The following ALX4 variants were observed in gnomAD, a reference collection of about 807,000 sequenced individuals.
ALX4 encodes ALX homeobox 4.
A neutral mutation model predicts 40.6 loss-of-function variants in ALX4; 22 were observed. The ratio of observed to expected loss-of-function variants is 0.54; its 90% CI spans 0.39 to 0.77. The LOEUF (loss-of-function observed/expected upper bound fraction) is 0.77. Ranked by LOEUF, ALX4 falls within the 30% of genes least tolerant of loss-of-function variation. ALX4 has a pLI of 0.00. For synonymous variants in ALX4, 266 were observed against 240.5 expected (o/e 1.11, Z -0.98); for missense variants, 556 against 564.8 (o/e 0.98, Z 0.16).
At chr11:44,298,214 C>A (rs1164232911) in intron 1 of ALX4, among the ~76,000 whole-genome samples, 1 of 152,204 alleles carries the variant, frequency 6.6e-6, no homozygotes, top group East Asian at 1.9e-4. Flanking sequence ...AATGGAGATT[C>A]AATTCCTCCA....
intron 1 of ALX4, among the ~76,000 whole-genome samples, chr11:44,279,092 T>G (rs539747510): frequency 1.2e-3 from 181 of 152,272 alleles, no homozygotes; most frequent in African/African-American, 4.2e-3. Flanking sequence ...GCTGTCTATG[T>G]CCACCTCTCG....
rs1245205062 is a variant in ALX4, at chr11:44,309,890, C to T, written c.173G>A (p.Gly58Glu). Residue 58 changes from glycine (G) to glutamate (E), a missense_variant, in exon 1 of 4, where the codon GGG becomes GAG. Gly to Glu is a moderately conservative substitution (Grantham distance 98, BLOSUM62 -2). Coordinates refer to ENST00000652299, the MANE Select transcript of ALX4 (RefSeq NM_021926.4). ...GTAACGGGCCCGGCTCTTGGCGTCC[C>T]CGAATCCCTGTGCTTTGGCGGCGGC... ...LSAAAKAQGF[G>E]DAKSRARYGA... The T allele has an allele frequency of 6.3e-7, 1 of 1,581,182 alleles. No homozygotes were observed. The highest frequency in any genetic ancestry group is 8.6e-7 in the Non-Finnish European group (1 of 1,162,974).
intron 2 of ALX4, among the ~76,000 whole-genome samples, chr11:44,270,136 G>C (rs1590688165): frequency 6.6e-6 from 1 of 152,190 alleles, no homozygotes; most frequent in East Asian, 1.9e-4. Context: ...AAGGGGTCTA[G>C]AGTGGAGGGA....
At chr11:44,270,082 G>A (rs1331310197) in intron 2 of ALX4, among the ~76,000 whole-genome samples, 2 of 152,166 alleles carry the variant, frequency 1.3e-5, no homozygotes, top group Admixed American at 6.5e-5. Context: ...AGGGATGGGC[G>A]GGGAGGGACC....
intron 1 of ALX4, among the ~76,000 whole-genome samples, chr11:44,290,074 G>A (rs1209163862): frequency 1.3e-5 from 2 of 152,202 alleles, no homozygotes; most frequent in African/African-American, 4.8e-5. Flanking sequence ...TGCACCTCCT[G>A]CATCCAGCCC....
intron 1 of ALX4, among the ~76,000 whole-genome samples, chr11:44,297,143 G>A (rs1565008900): frequency 6.6e-6 from 1 of 151,976 alleles, no homozygotes; most frequent in Non-Finnish European, 1.5e-5. Flanking sequence ...TTTCTGTTTG[G>A]GATGATGAAA....
chr11:44,264,464 A>G lies in ALX4; in HGVS notation c.*390T>C. 4.0e-6 allele frequency: 1 copy of G among 247,806 alleles called. No homozygotes were observed. The highest frequency in any genetic ancestry group is 7.9e-6 in the Non-Finnish European group (1 of 127,170). 15.4% of individuals were successfully genotyped at this position (247,806 alleles called of 1,614,324 possible). A position where few individuals can be genotyped will look rare whatever the true frequency, so the allele number is the denominator to read the frequency against. On this transcript the variant is annotated 3_prime_UTR_variant, in exon 4 of 4. Coordinates refer to ENST00000652299, the MANE Select transcript of ALX4 (RefSeq NM_021926.4). ...ACTAGGAGCGGGAAGGATGGACAAGACTGGGCTGGTGAGGCTGCTGGGTCT... is the reference window on the plus strand; with the variant it reads ...ACTAGGAGCGGGAAGGATGGACAAGGCTGGGCTGGTGAGGCTGCTGGGTCT...
Position 44,261,086 on chromosome 11 carries a change from CCTT to C in ALX4, c.*3765_*3767del, listed in dbSNP as rs1370532320. On this transcript the variant is annotated 3_prime_UTR_variant, in exon 4 of 4. Transcript: ENST00000652299. Reference sequence around the variant, plus strand: ...AAGTGGGGTTGATGGGTCATTGTCACCTTCTTATTTTTTAACTGGATAGTCACA... The same window carrying C: ...AAGTGGGGTTGATGGGTCATTGTCACCTTATTTTTTAACTGGATAGTCACA... The C allele has an allele frequency of 5.3e-5, 8 of 152,122 alleles. No homozygotes were observed. The highest frequency in any genetic ancestry group is 1.4e-4 in the African/African-American group (6 of 41,404). 9.4% of individuals were successfully genotyped at this position (152,122 alleles called of 1,614,324 possible).
chr11:44,309,754 C>A lies in ALX4; in HGVS notation c.309G>T (p.Pro103=), dbSNP rs1338175189. 1 of 1,544,572 alleles carries A rather than the reference C, an allele frequency of 6.5e-7. No individual in the cohort carries two copies. Among genetic ancestry groups the A allele is most frequent in the Non-Finnish European group, 8.7e-7 (1 of 1,146,110 alleles). ...GCTGCTGCTGCTGCGGCTGCGGCTGCGGCGGCGGCTGGGGCTGCGGGGTCG... is the reference window on the plus strand; with the variant it reads ...GCTGCTGCTGCTGCGGCTGCGGCTGAGGCGGCGGCTGGGGCTGCGGGGTCG... ...QPSTPQPQPP[P]QPQPQQQQPQ... Residue 103 remains proline, a synonymous_variant, in exon 1 of 4, where the codon CCG becomes CCT. Coordinates refer to ENST00000652299, the MANE Select transcript of ALX4 (RefSeq NM_021926.4).
intron 1 of ALX4, among the ~76,000 whole-genome samples, chr11:44,295,105 C>A (rs1449566246): frequency 6.6e-6 from 1 of 152,152 alleles, no homozygotes; most frequent in Non-Finnish European, 1.5e-5. Context: ...CCTGCCTCGG[C>A]CTCCCAAAGT....
intron 1 of ALX4, among the ~76,000 whole-genome samples, chr11:44,278,785 C>T (rs1182344173): frequency 6.6e-6 from 1 of 152,202 alleles, no homozygotes; most frequent in Non-Finnish European, 1.5e-5. Context: ...AGGGTCCCTC[C>T]TCCCTTGCTC....
At position 44,286,111 on chromosome 11, in the gene ALX4, C is replaced by G. The variant is rs555505153; in HGVS notation, c.467-10453G>C. ...AGGCCCTGGAGCTGGGCTCCAGACA[C>G]AGGAGGTCCTTGGTCCCCTGCACAC... On this transcript the variant is annotated intron_variant, in intron 1 of 3. Coordinates refer to ENST00000652299, the MANE Select transcript of ALX4 (RefSeq NM_021926.4). 1.1e-4 allele frequency among the ~76,000 whole-genome samples: 17 copies of G among 152,340 alleles called. No individual in the cohort carries two copies. The South Asian group carries it at 3.1e-3, about 28-fold the overall frequency.
chr11:44,300,264 C>T (rs1304909363), intron 1 of ALX4, among the ~76,000 whole-genome samples: 1 of 152,170 alleles, frequency 6.6e-6, no homozygotes, highest in Non-Finnish European at 1.5e-5. Context: ...ACCACTGAGT[C>T]CCATGAAGAA....
chr11:44,266,586 G>A (rs1956215205), intron 3 of ALX4, among the ~76,000 whole-genome samples: 1 of 152,270 alleles, frequency 6.6e-6, no homozygotes, highest in South Asian at 2.1e-4. Context: ...AAGGAGGCAG[G>A]GGCGCCCGTG....
chr11:44,293,165 A>C (rs1413001153), intron 1 of ALX4, among the ~76,000 whole-genome samples: 2,952 of 17,684 alleles, frequency 0.17, 416 homozygotes, highest in Admixed American at 0.19. Context: ...GGAAGGAAGG[A>C]AGGAAGCAGG....
intron 1 of ALX4, among the ~76,000 whole-genome samples, chr11:44,308,314 A>G (rs1018816240): frequency 2.0e-5 from 3 of 152,246 alleles, no homozygotes; most frequent in Non-Finnish European, 4.4e-5. Context: ...ACGAGAAAAT[A>G]TCTGCCATCG....
chr11:44,271,338 C>T (rs865917849), intron 2 of ALX4, among the ~76,000 whole-genome samples: 6 of 152,346 alleles, frequency 3.9e-5, no homozygotes, highest in South Asian at 2.1e-4. Flanking sequence ...GGATTCCAGT[C>T]GCAGTGCTGC....
At chr11:44,297,908 G>A (rs1280643494) in intron 1 of ALX4, among the ~76,000 whole-genome samples, 1 of 152,098 alleles carries the variant, frequency 6.6e-6, no homozygotes, top group East Asian at 1.9e-4. Context: ...TCCTTCAGCT[G>A]GTGAGCTCCT....
At position 44,276,687 on chromosome 11, in the gene ALX4, G is replaced by A. The variant is rs568945130; in HGVS notation, c.467-1029C>T. The stretch of plus-strand genomic sequence containing the variant: ...GGCACCAGGGACTGGTTTTGTGGAA[G>A]ATAATTTTTTCCATGGGTGGAGAAG... On this transcript the variant is annotated intron_variant, in intron 1 of 3. Transcript: ENST00000652299. 2.0e-5 allele frequency among the ~76,000 whole-genome samples: 3 copies of A among 152,342 alleles called. No homozygotes were observed. The South Asian group carries it at 6.2e-4, about 32-fold the overall frequency.
Sources: gnomAD v4.1 joint callset for allele counts (sites outside exome capture counted in the v4.1 genomes callset) on GRCh38, gnomAD v4.1.1 for gene constraint, MANE v1.5 for transcripts, NCBI Gene and HGNC (gene_info 2026-07-23, HGNC 2026-07-21) for gene names.